Variants in PKD1L1 observed in about 807,000 individuals in gnomAD.
PKD1L1 encodes polycystin-1-like protein 1.
PKD1L1 carries 236 observed loss-of-function variants against 323.4 expected under a neutral mutation model. The observed-to-expected ratio is 0.73, with a 90% CI of 0.66 to 0.81. The LOEUF (loss-of-function observed/expected upper bound fraction) is 0.81. Among genes scored for constraint, PKD1L1 ranks in the 40% least tolerant of loss-of-function variants. The probability of loss-of-function intolerance (pLI) is 0.00; values close to 1 mark genes in which losing one functional copy is unlikely to be tolerated. For synonymous variants in PKD1L1, 1,344 were observed against 1,335.0 expected, an observed-to-expected ratio of 1.01 and a Z score of -0.15; for missense variants, 3,320 against 3,508.0, an observed-to-expected ratio of 0.95 and a Z score of 1.35.
rs1210934510 is a variant in PKD1L1 at position 47,876,131 on chromosome 7, C to T, written c.3750G>A (p.Val1250=). The part of the protein sequence containing the change: ...YHGRDTQYYF[V]LPAGEHLDNY... ...TGTCCAAGTGCTCACCAGCTGGCAA[C>T]ACAAAATAATACTGGGTGTCTCTCC... is the stretch of plus-strand genomic sequence containing the variant. Residue 1250 remains valine (V), a synonymous_variant, in exon 23 of 57, where the codon GTG becomes GTA. Coordinates refer to ENST00000289672, the MANE Select transcript of PKD1L1 (RefSeq NM_138295.5). The T allele has an allele frequency of 1.2e-6, 2 of 1,614,106 alleles. No individual in the cohort carries two copies. The highest frequency in any genetic ancestry group is 2.2e-5 in the South Asian group (2 of 91,058).
At chr7:47,904,699 C>T (rs1787163387) in intron 11 of PKD1L1, 82 bp from the exon 12 acceptor site, 3 of 1,452,356 alleles carry the variant, frequency 2.1e-6, no homozygotes, top group African/African-American at 2.8e-5. Context: ...GTCTGCTATA[C>T]TTTAAGAGGA....
chr7:47,782,252 A>G (rs1786715009), intron 56 of PKD1L1, among the ~76,000 whole-genome samples: 1 of 152,188 alleles, frequency 6.6e-6, no homozygotes, highest in Non-Finnish European at 1.5e-5. Context: ...AGGTCCTTCA[A>G]AGGTCAGTGC....
In PKD1L1 at chr7:47,866,500, G is replaced by C. The variant is rs752712109; in HGVS notation, c.4011C>G (p.Asp1337Glu). 26 of 1,613,984 alleles carry C rather than the reference G, an allele frequency of 1.6e-5. No homozygotes were observed. The South Asian group carries it at 2.5e-4, about 16-fold the overall frequency. The change falls in exon 25 of 57, where the codon GAC becomes GAG. Residue 1337 changes from aspartate (D) to glutamate (E), a missense_variant. Coordinates refer to ENST00000289672, the MANE Select transcript of PKD1L1 (RefSeq NM_138295.5). The stretch of plus-strand genomic sequence containing the variant: ...ACCATTGGTTGCAGGAGGCAGTTTT[G>C]TCCTCCTTAGACAAACGACTCAGGA... ...TRILSRLSKE[D>E]KTASCNQWSR...
At chr7:47,922,336 C>G (rs1341876654) in intron 7 of PKD1L1, among the ~76,000 whole-genome samples, 2 of 152,226 alleles carry the variant, frequency 1.3e-5, no homozygotes, top group Non-Finnish European at 2.9e-5. Flanking sequence ...GCCACTACCC[C>G]GTCTAGGAAG....
rs1243597166 is a variant in PKD1L1 at position 47,831,281 on chromosome 7, C to T, written c.6409G>A (p.Val2137Met). The change falls in exon 42 of 57, where the codon GTG becomes ATG. Residue 2137 changes from valine to methionine, a missense_variant. Coordinates refer to ENST00000289672, the MANE Select transcript of PKD1L1 (RefSeq NM_138295.5). ...RALQPWWSSA[V>M]WAICGTASLA... ...GAAGCGGTCCCACAAATGGCCCACA[C>T]TGCAGAGCTCCACCAAGGCTGAAGG... is the stretch of plus-strand genomic sequence containing the variant. The T allele has an allele frequency of 1.2e-6, 2 of 1,614,098 alleles. No homozygotes were observed. The highest frequency in any genetic ancestry group is 1.3e-5 in the African/African-American group (1 of 74,930).
At chr7:47,949,368 C>CAGAAAAAAAAA (rs1788167653), upstream of PKD1L1, among the ~76,000 whole-genome samples, 1 of 57,134 alleles carries the variant, frequency 1.8e-5, no homozygotes, top group Non-Finnish European at 3.2e-5. Flanking sequence ...GGCTCTGTCT[C>CAGAAAAAAAAA]AAAAAAAAAA....
rs571253491 is a variant in PKD1L1, at chr7:47,839,503, A to C, written c.5712T>G (p.His1904Gln). 3.7e-6 allele frequency: 6 copies of C among 1,612,422 alleles called. No homozygotes were observed. The Admixed American group carries it at 8.3e-5, about 22-fold the overall frequency. The change falls in exon 36 of 57, where the codon CAT (histidine) becomes CAG (glutamine). Residue 1904 changes from histidine (H) to glutamine (Q), a missense_variant. Transcript: ENST00000289672. This position sits in a 1 kb window ranked among gnomAD's most constrained non-coding sequence, Gnocchi z 4.3. ...TGAGCTCCCGCTCCACGCGACCATC[A>C]TGCCTGCCGGCAGACAGCCAGCACT... is the stretch of plus-strand genomic sequence containing the variant. ...PAQCWLSAGR[H>Q]DGRVERELTC... is the part of the protein sequence containing the mutation.
At chr7:47,806,893 T>TC (rs985936896) in intron 52 of PKD1L1, among the ~76,000 whole-genome samples, 6 of 152,164 alleles carry the variant, frequency 3.9e-5, no homozygotes, top group Non-Finnish European at 8.8e-5. Flanking sequence ...CATGTTATGT[T>TC]CCCCCAGCTT....
chr7:47,877,710 C>A (rs1786441225), intron 21 of PKD1L1, 79 bp from the exon 22 acceptor site: 1 of 1,493,480 alleles, frequency 6.7e-7, no homozygotes, highest in Non-Finnish European at 9.0e-7. Flanking sequence ...TATAGATAAA[C>A]CTTATAGCAG....
chr7:47,959,910 G>A, the PKD1L1 span, among the ~76,000 whole-genome samples: 3 of 151,620 alleles, frequency 2.0e-5, no homozygotes, highest in Admixed American at 6.6e-5. Flanking sequence ...TGACAATGGC[G>A]GTTTTGTGGA....
At chr7:47,781,766 T>C (rs1166790916) in intron 56 of PKD1L1, among the ~76,000 whole-genome samples, 1 of 152,138 alleles carries the variant, frequency 6.6e-6, no homozygotes, top group Non-Finnish European at 1.5e-5. Flanking sequence ...TGTTTTTTTC[T>C]CCTGCAAATT....
In PKD1L1 at chr7:47,946,576, A is replaced by C. The variant is rs1788102234; in HGVS notation, c.44+1821T>G. Reference sequence around the variant, plus strand: ...TCACACAGCACACACCATGTATCACACACACACCATACCCCACTCATACCA... The same window carrying C: ...TCACACAGCACACACCATGTATCACCCACACACCATACCCCACTCATACCA... On this transcript the variant is annotated intron_variant, in intron 1 of 56. Coordinates refer to ENST00000289672, the MANE Select transcript of PKD1L1 (RefSeq NM_138295.5). This position sits in a 1 kb window ranked among gnomAD's most constrained non-coding sequence, Gnocchi z 4.1. 6.6e-6 allele frequency among the ~76,000 whole-genome samples: 1 copy of C among 151,190 alleles called. No homozygotes were observed. The highest frequency in any genetic ancestry group is 1.5e-5 in the Non-Finnish European group (1 of 67,748).
At chr7:47,914,534 C>T (rs1396021731) in intron 8 of PKD1L1, among the ~76,000 whole-genome samples, 1 of 152,114 alleles carries the variant, frequency 6.6e-6, no homozygotes, top group African/African-American at 2.4e-5. Flanking sequence ...GAGGCTTGGG[C>T]CACCTGGGTT....
chr7:47,872,000 T>A (rs1448961580), intron 24 of PKD1L1, among the ~76,000 whole-genome samples: 1 of 152,144 alleles, frequency 6.6e-6, no homozygotes, highest in Non-Finnish European at 1.5e-5. Flanking sequence ...TAGTGACAGA[T>A]GACATGATCT....
intron 26 of PKD1L1, among the ~76,000 whole-genome samples, chr7:47,862,431 C>A (rs1786053363): frequency 6.6e-6 from 1 of 152,140 alleles, no homozygotes; most frequent in Non-Finnish European, 1.5e-5. Context: ...AGCCCCCGTT[C>A]CTGTATCCAT....
chr7:47,881,879 A>G, intron 20 of PKD1L1, 30 bp downstream of exon 20: 1 of 1,535,918 alleles, frequency 6.5e-7, no homozygotes, highest in Non-Finnish European at 8.7e-7. Context: ...AAACACTGCA[A>G]ATTGGAGGGT....
intron 46 of PKD1L1, chr7:47,819,544 AG>A: frequency 7.3e-7 from 1 of 1,362,318 alleles, no homozygotes; most frequent in Non-Finnish European, 9.8e-7. Flanking sequence ...TTGCACGGAT[AG>A]GAGAGCTGAA....
chr7:47,808,529 T>C, intron 51 of PKD1L1, 142 bp from the exon 52 acceptor site: 1 of 1,029,618 alleles, frequency 9.7e-7, no homozygotes. Context: ...GCTGGGTGAT[T>C]TTGTCCTTGG....
chr7:47,867,993 T>G (rs1045355519), intron 24 of PKD1L1, among the ~76,000 whole-genome samples: 7 of 152,220 alleles, frequency 4.6e-5, no homozygotes, highest in Non-Finnish European at 1.0e-4. Flanking sequence ...TTTTCTCTCT[T>G]CTTATTTAAA....
Sources: gnomAD v4.1 joint callset for allele counts (sites outside exome capture counted in the v4.1 genomes callset) on GRCh38, gnomAD v4.1.1 for gene constraint, Gnocchi (gnomAD v3.1) non-coding constraint, MANE v1.5 for transcripts, NCBI Gene and HGNC (gene_info 2026-07-23, HGNC 2026-07-21) for gene names.